Variants in GALC observed in about 807,000 individuals in gnomAD.
GALC encodes the protein galactocerebrosidase.
A neutral mutation model predicts 91.8 loss-of-function variants in GALC; 77 were observed. The observed-to-expected ratio is 0.84, with a 90% CI of 0.70 to 1.01. The LOEUF (loss-of-function observed/expected upper bound fraction) is 1.01, where lower values mean the gene tolerates loss of function less well. Ranked by LOEUF, GALC falls within the 50% of genes least tolerant of loss-of-function variation. The pLI is 0.00. For missense variants in GALC, 882 were observed against 855.9 expected (o/e 1.03, Z -0.38); for synonymous variants, 357 against 306.7 (o/e 1.16, Z -1.71).
chr14:87,971,639 T>C (rs1886297933), intron 7 of GALC, among the ~76,000 whole-genome samples: 1 of 152,200 alleles, frequency 6.6e-6, no homozygotes, highest in Non-Finnish European at 1.5e-5. Context: ...TATTATCACT[T>C]AACATGTAAT....
intron 1 of GALC, chr14:87,992,664 G>T (rs776769850): frequency 3.6e-5 from 52 of 1,439,346 alleles, no homozygotes; most frequent in Non-Finnish European, 4.3e-5. Flanking sequence ...CCTGGGACGA[G>T]GGTTCCAGCC....
At chr14:87,961,321 G>C (rs760247667) in intron 10 of GALC, among the ~76,000 whole-genome samples, 3 of 152,170 alleles carry the variant, frequency 2.0e-5, no homozygotes, top group Non-Finnish European at 4.4e-5. Context: ...AACTGTTAGG[G>C]AGGATGTGGA....
chr14:87,944,711 G>A (rs1005936276), intron 14 of GALC, among the ~76,000 whole-genome samples: 2 of 151,940 alleles, frequency 1.3e-5, no homozygotes, highest in Non-Finnish European at 2.9e-5. Context: ...TTTCTAACTG[G>A]GAGTAAGGCA....
intron 4 of GALC, among the ~76,000 whole-genome samples, chr14:87,984,835 C>A (rs532237875): frequency 2.0e-5 from 3 of 152,176 alleles, no homozygotes; most frequent in African/African-American, 7.2e-5. Context: ...AAGAAATGTA[C>A]CATATGTTTT....
At chr14:87,991,899 C>A (rs1015899323) in intron 1 of GALC, among the ~76,000 whole-genome samples, 3 of 152,128 alleles carry the variant, frequency 2.0e-5, no homozygotes, top group Admixed American at 6.5e-5. Flanking sequence ...GGGCCTCACT[C>A]CATGAAATAT....
chr14:87,981,772 T>C (rs1886758100), intron 6 of GALC, among the ~76,000 whole-genome samples: 1 of 151,964 alleles, frequency 6.6e-6, no homozygotes, highest in African/African-American at 2.4e-5. Context: ...TCTTTGCTAA[T>C]CACAAAGAGA....
intron 10 of GALC, among the ~76,000 whole-genome samples, chr14:87,960,616 C>T (rs191438630): frequency 4.6e-5 from 7 of 152,084 alleles, no homozygotes; most frequent in Non-Finnish European, 1.0e-4. Context: ...GTGGTGCTCA[C>T]GTCAGGACAG....
Position 87,963,318 on chromosome 14 carries a change from G to A in GALC, c.1161+66C>T, listed in dbSNP as rs59068116. 729 of 1,502,402 alleles carry A rather than the reference G, an allele frequency of 4.9e-4. 6 individuals carry two copies. In the East Asian group the frequency reaches 0.016, roughly 32 times the overall value. 93.1% of individuals were successfully genotyped at this position (1,502,402 alleles called of 1,614,324 possible). A position where few individuals can be genotyped will look rare whatever the true frequency, so the allele number is the denominator to read the frequency against. On this transcript the variant is annotated intron_variant, in intron 10 of 16. Coordinates refer to ENST00000261304, the MANE Select transcript of GALC (RefSeq NM_000153.4). ...TTTACATGTAAAACAAAAGTATTCA[G>A]TTTTATATTTTATTTTTCCAATAGT... is the stretch of plus-strand genomic sequence containing the variant.
At chr14:87,962,604 CACACACACACACACACACA>C (rs1885854738) in intron 10 of GALC, among the ~76,000 whole-genome samples, 1 of 150,788 alleles carries the variant, frequency 6.6e-6, no homozygotes, top group African/African-American at 2.4e-5. Flanking sequence ...CACACACACA[CACACACACACACACACACA>C]CCATTTTTTT....
intron 12 of GALC, among the ~76,000 whole-genome samples, chr14:87,948,455 C>T (rs1024774918): frequency 3.9e-5 from 6 of 151,978 alleles, no homozygotes; most frequent in Non-Finnish European, 8.8e-5. Flanking sequence ...AAATACATAC[C>T]TTATAGACTG....
chr14:87,941,344 G>T, intron 15 of GALC, 51 bp downstream of exon 15: 1 of 1,168,946 alleles, frequency 8.6e-7, no homozygotes, highest in Non-Finnish European at 1.3e-6. Flanking sequence ...GGTGCTCAAA[G>T]TAACATAGCC....
At chr14:87,993,528 C>T (rs1480660053), upstream of GALC, 9 of 1,489,632 alleles carry the variant, frequency 6.0e-6, no homozygotes, top group Non-Finnish European at 8.1e-6. Flanking sequence ...CGTGCGAGGA[C>T]CAGGCTTGGA....
upstream of GALC, chr14:87,993,633 G>A (rs1887340698): frequency 1.5e-6 from 1 of 647,844 alleles, no homozygotes; most frequent in Non-Finnish European, 2.7e-6. Flanking sequence ...AAGAGCAGCA[G>A]AGTGAGGGAC....
intron 10 of GALC, chr14:87,954,084 A>G: frequency 6.2e-7 from 1 of 1,609,802 alleles, no homozygotes; most frequent in Non-Finnish European, 8.5e-7. Context: ...TCAGTTATTA[A>G]ATCTTGGGAG....
rs1385100945 is a variant in GALC, at chr14:87,934,601, C to T, written c.*131G>A. On this transcript the variant is annotated 3_prime_UTR_variant, in exon 17 of 17. Transcript: ENST00000261304. ...GGTAAATTAAAAATAAATTTCTCTC[C>T]CCTTTTACTCTTCATTATTTTTAGT... The T allele has an allele frequency of 5.2e-6, 8 of 1,541,364 alleles. No individual in the cohort carries two copies. The highest frequency in any genetic ancestry group is 7.0e-6 in the Non-Finnish European group (8 of 1,148,966).
At chr14:87,945,832 T>TAAA in intron 13 of GALC, 99 bp from the exon 14 acceptor site, 1 of 890,326 alleles carries the variant, frequency 1.1e-6, no homozygotes, top group Non-Finnish European at 1.8e-6. Flanking sequence ...CTGAAAGCTT[T>TAAA]TAAATAAATA....
intron 8 of GALC, among the ~76,000 whole-genome samples, chr14:87,967,445 GAGA>G (rs750965042): frequency 2.4e-4 from 36 of 152,038 alleles, no homozygotes; most frequent in South Asian, 1.7e-3. Flanking sequence ...CTTTCACAAA[GAGA>G]AGAAAAAGAA....
intron 16 of GALC, among the ~76,000 whole-genome samples, chr14:87,935,340 G>A (rs910695604): frequency 6.6e-6 from 1 of 152,054 alleles, no homozygotes; most frequent in African/African-American, 2.4e-5. Flanking sequence ...TCATTAAGGA[G>A]CCTCTGCCCA....
rs7161703 is a variant in GALC, at chr14:87,949,585, C to T, written c.1338+260G>A. Among the ~76,000 whole-genome samples the T allele has an allele frequency of 0.034, 5,173 of 151,948 alleles. 313 individuals carry two copies. The highest frequency in any genetic ancestry group is 0.12 in the African/African-American group (4,929 of 41,458). On this transcript the variant is annotated intron_variant, in intron 12 of 16. Transcript: ENST00000261304. ...GAGTAAGAGAAATGTGTGGATACAA[C>T]TGTCTATACTTGACCACTGGCGGGA... is the stretch of plus-strand genomic sequence containing the variant.
Sources: allele counts gnomAD v4.1 joint callset (sites outside exome capture counted in the v4.1 genomes callset), GRCh38; gene constraint gnomAD v4.1.1; transcripts MANE v1.5; gene names NCBI Gene and HGNC (gene_info 2026-07-23, HGNC 2026-07-21).